The following CENPC variants were observed in gnomAD, a reference collection of about 807,000 sequenced individuals.
The protein encoded by CENPC is CENP-C 1.
CENPC carries 63 observed loss-of-function variants against 112.1 expected under a neutral mutation model. That is an observed-to-expected ratio of 0.56 (90% CI 0.46 to 0.69). CENPC has a LOEUF of 0.69. Among genes scored for constraint, CENPC ranks in the 30% least tolerant of loss-of-function variants. The pLI is 0.00. For missense variants in CENPC, 1,000 were observed against 1,103.8 expected, an observed-to-expected ratio of 0.91 and a Z score of 1.33; for synonymous variants, 333 against 367.6, an observed-to-expected ratio of 0.91 and a Z score of 1.08.
Position 67,472,587 on chromosome 4 carries a change from T to G in CENPC, c.*18A>C, listed in dbSNP as rs1577966842. On this transcript the variant is annotated 3_prime_UTR_variant, in exon 19 of 19. Coordinates refer to ENST00000273853, the MANE Select transcript of CENPC (RefSeq NM_001812.4). ...CATATACATATATACATACATATAT[T>G]TAAGGTTGGTTGATCTTTCATCTTT... 6.8e-7 allele frequency: 1 copy of G among 1,475,690 alleles called. No homozygotes were observed. The highest frequency in any genetic ancestry group is 8.9e-7 in the Non-Finnish European group (1 of 1,119,462). 91.4% of individuals were successfully genotyped at this position (1,475,690 alleles called of 1,614,324 possible).
chr4:67,536,531 T>C (rs1212890121), intron 4 of CENPC, among the ~76,000 whole-genome samples: 5 of 152,250 alleles, frequency 3.3e-5, no homozygotes, highest in Admixed American at 3.3e-4. Context: ...GACCTAGGAA[T>C]CTCAAGTTCG....
chr4:67,505,236 A>G lies in CENPC; in HGVS notation c.2100T>C (p.Asp700=). The change falls in exon 12 of 19, where the codon GAT becomes GAC. Residue 700 remains aspartate, a synonymous_variant. Transcript: ENST00000273853. The part of the protein sequence containing the change: ...NNNYLMSGKN[D]VDDEEVHGSS... ...TTCCATGAACTTCCTCATCATCCAC[A>G]TCATTCTTTCCAGACATTAAATAAT... The G allele has an allele frequency of 6.3e-7, 1 of 1,583,830 alleles. No individual in the cohort carries two copies.
chr4:67,519,558 AG>A, intron 5 of CENPC, 56 bp from the exon 6 acceptor site: 1 of 1,189,228 alleles, frequency 8.4e-7, no homozygotes. Context: ...AAGAGAATCA[AG>A]CAGGCTTTTT....
chr4:67,494,013 T>C (rs1725359935), intron 13 of CENPC, 25 bp from the exon 14 acceptor site: 1 of 1,496,862 alleles, frequency 6.7e-7, no homozygotes, highest in Non-Finnish European at 9.2e-7. Context: ...CAGACAAAAG[T>C]GTATACATAG....
chr4:67,508,795 T>A lies in CENPC; in HGVS notation c.1904+19A>T, dbSNP rs755958229. 6.2e-7 allele frequency: 1 copy of A among 1,605,614 alleles called. No homozygotes were observed. Among genetic ancestry groups the A allele is most frequent in the Non-Finnish European group, 8.5e-7 (1 of 1,175,880 alleles). ...CTGAACAACAAAAGTAACTATATTG[T>A]ACACATAACAGACATTACCTAGAAC... On this transcript the variant is annotated intron_variant, in intron 10 of 18. Transcript: ENST00000273853.
Position 67,545,392 on chromosome 4 carries a change from T to TG in CENPC, c.-38dup. On this transcript the variant is annotated 5_prime_UTR_variant, in exon 1 of 19. Transcript: ENST00000273853. ...GCTGAGCCAGCGCAACTGTCTGAGGTGGAAGCCCACACGGACCACAGCTCC... is the reference window on the plus strand; with the variant it reads ...GCTGAGCCAGCGCAACTGTCTGAGGTGGGAAGCCCACACGGACCACAGCTCC... The TG allele has an allele frequency of 6.7e-7, 1 of 1,502,584 alleles. No individual in the cohort carries two copies. The highest frequency in any genetic ancestry group is 8.9e-7 in the Non-Finnish European group (1 of 1,121,562). The allele number at this position is 1,502,584 out of a possible 1,614,324, so 93.1% of individuals were successfully genotyped here. A position where few individuals can be genotyped will look rare whatever the true frequency, so the allele number is the denominator to read the frequency against.
chr4:67,519,169 A>C, intron 6 of CENPC, 48 bp downstream of exon 6: 2 of 1,397,664 alleles, frequency 1.4e-6, no homozygotes, highest in African/African-American at 1.4e-5. Flanking sequence ...TTTAATACAA[A>C]AAGTAAAATT....
intron 12 of CENPC, chr4:67,504,995 T>A: frequency 1.9e-6 from 1 of 537,712 alleles, no homozygotes; most frequent in Non-Finnish European, 3.3e-6. Flanking sequence ...TAAGTGCCAA[T>A]ATTTCATTAT....
intron 5 of CENPC, among the ~76,000 whole-genome samples, chr4:67,526,670 A>G (rs1324983347): frequency 6.6e-6 from 1 of 152,208 alleles, no homozygotes; most frequent in African/African-American, 2.4e-5. Flanking sequence ...TAAGGCAAAT[A>G]TTACCTTGAT....
intron 17 of CENPC, among the ~76,000 whole-genome samples, chr4:67,482,473 G>A (rs544486596): frequency 1.3e-5 from 2 of 152,314 alleles, no homozygotes; most frequent in African/African-American, 4.8e-5. Context: ...AGCATAATGT[G>A]CAACTGCAGA....
chr4:67,544,206 A>T lies in CENPC; in HGVS notation c.19-11T>A, dbSNP rs1381880742. On this transcript the variant is annotated splice_polypyrimidine_tract_variant and intron_variant, in intron 1 of 18. Transcript: ENST00000273853. Reference sequence around the variant, plus strand: ...ATTTTTGAGATGATCCTGAAAGAAAAGTAAATCATCAATTTGGTTTCTTTA... The same window carrying T: ...ATTTTTGAGATGATCCTGAAAGAAATGTAAATCATCAATTTGGTTTCTTTA... The T allele has an allele frequency of 1.3e-6, 2 of 1,515,414 alleles. No individual in the cohort carries two copies. The highest frequency in any genetic ancestry group is 1.8e-6 in the Non-Finnish European group (2 of 1,093,360). The allele number at this position is 1,515,414 out of a possible 1,614,324, so 93.9% of individuals were successfully genotyped here. A position where few individuals can be genotyped will look rare whatever the true frequency, so the allele number is the denominator to read the frequency against.
intron 8 of CENPC, among the ~76,000 whole-genome samples, chr4:67,512,774 A>G (rs918643225): frequency 6.6e-6 from 1 of 152,104 alleles, no homozygotes; most frequent in Non-Finnish European, 1.5e-5. Flanking sequence ...ATTAAATGCA[A>G]ATTTTCACAC....
intron 5 of CENPC, among the ~76,000 whole-genome samples, chr4:67,527,883 C>T (rs1726430321): frequency 6.6e-6 from 1 of 151,698 alleles, no homozygotes; most frequent in Non-Finnish European, 1.5e-5. Flanking sequence ...CTAAATTTAC[C>T]CCAAACTACC....
chr4:67,529,196 G>C (rs1468918672), intron 5 of CENPC, among the ~76,000 whole-genome samples: 1 of 152,096 alleles, frequency 6.6e-6, no homozygotes, highest in East Asian at 1.9e-4. Flanking sequence ...CTGTTGTTGA[G>C]CTGTAGAAGT....
chr4:67,517,496 A>G (rs1726091386), intron 7 of CENPC, among the ~76,000 whole-genome samples: 2 of 151,886 alleles, frequency 1.3e-5, no homozygotes, highest in African/African-American at 4.8e-5. Context: ...TAGCACTCTG[A>G]TACCTATGAT....
chr4:67,490,863 T>A (rs28735022), intron 16 of CENPC, among the ~76,000 whole-genome samples: 4 of 64,104 alleles, frequency 6.2e-5, no homozygotes, highest in Admixed American at 2.0e-4. Context: ...TATATATATA[T>A]ATATATATAT....
At chr4:67,520,105 AG>A (rs1329287036) in intron 5 of CENPC, among the ~76,000 whole-genome samples, 1 of 152,148 alleles carries the variant, frequency 6.6e-6, no homozygotes, top group Non-Finnish European at 1.5e-5. Context: ...GGTGAAAGAC[AG>A]GGTGGAGGCT....
rs1454620989 is a variant in CENPC at position 67,490,075 on chromosome 4, A to G, written c.2562T>C (p.Gly854=). The G allele has an allele frequency of 1.2e-6, 2 of 1,609,068 alleles. No homozygotes were observed. Among genetic ancestry groups the G allele is most frequent in the South Asian group, 1.1e-5 (1 of 89,818 alleles). The change falls in exon 17 of 19, where the codon GGT becomes GGC. Residue 854 remains glycine, a synonymous_variant. Transcript: ENST00000273853. The part of the protein sequence containing the change: ...QDTYQFFVKH[G]ELKVYKTLDT... ...CCAATGTCTTGTATACCTTCAACTC[A>G]CCATGCTTAACAAAAAATTGATATG...
intron 12 of CENPC, among the ~76,000 whole-genome samples, chr4:67,498,935 T>C (rs1560426889): frequency 6.6e-6 from 1 of 152,260 alleles, no homozygotes; most frequent in East Asian, 1.9e-4. Flanking sequence ...GCTACTGCCT[T>C]ACAAAATTTA....
Sources: allele counts gnomAD v4.1 joint callset (sites outside exome capture counted in the v4.1 genomes callset), GRCh38; gene constraint gnomAD v4.1.1; transcripts MANE v1.5; gene names NCBI Gene and HGNC (gene_info 2026-07-23, HGNC 2026-07-21).